Variants in SHC3 observed in about 807,000 individuals in gnomAD.
The protein encoded by SHC3 is SHC-transforming protein 3.
A neutral mutation model predicts 60.4 loss-of-function variants in SHC3; 15 were observed. That is an observed-to-expected ratio of 0.25 (90% CI 0.17 to 0.38). The LOEUF is 0.38. Among genes scored for constraint, SHC3 ranks in the 10% least tolerant of loss-of-function variants. The probability of loss-of-function intolerance (pLI) is 1.00; values close to 1 mark genes in which losing one functional copy is unlikely to be tolerated. For missense variants in SHC3, 677 were observed against 786.1 expected (o/e 0.86, Z 1.66); for synonymous variants, 294 against 325.9 (o/e 0.90, Z 1.05).
At chr9:89,046,685 C>A (rs962510219) in intron 8 of SHC3, among the ~76,000 whole-genome samples, 159 bp downstream of exon 8, 7 of 152,200 alleles carry the variant, frequency 4.6e-5, no homozygotes, top group African/African-American at 1.7e-4. Flanking sequence ...AGCCTCTCTT[C>A]ATCTGCATGC....
chr9:89,076,900 C>T (rs563618385), intron 3 of SHC3, among the ~76,000 whole-genome samples: 24 of 152,140 alleles, frequency 1.6e-4, no homozygotes, highest in South Asian at 1.2e-3. Context: ...ACAATAGGGC[C>T]GGGCATGGTG....
At chr9:89,088,669 A>C (rs2118045892) in intron 2 of SHC3, 1 of 152,388 alleles carries the variant, frequency 6.6e-6, no homozygotes, top group East Asian at 1.9e-4. Flanking sequence ...TAGAAAGGTC[A>C]CCAGAAAAGA....
At chr9:89,045,888 C>T in intron 8 of SHC3, 55 bp from the exon 9 acceptor site, 1 of 1,573,074 alleles carries the variant, frequency 6.4e-7, no homozygotes, top group Non-Finnish European at 8.7e-7. Flanking sequence ...CTCATTTCAC[C>T]ACTTTTGAAA....
At chr9:89,116,813 G>C (rs1826025839) in intron 1 of SHC3, among the ~76,000 whole-genome samples, 1 of 151,968 alleles carries the variant, frequency 6.6e-6, no homozygotes, top group African/African-American at 2.4e-5. Flanking sequence ...TGACAATACT[G>C]CAGTTATGTA....
intron 2 of SHC3, among the ~76,000 whole-genome samples, chr9:89,100,532 A>G (rs1825767823): frequency 1.3e-5 from 2 of 152,074 alleles, no homozygotes; most frequent in African/African-American, 2.4e-5. Flanking sequence ...CCTTAGTTCT[A>G]TGAATTTTGA....
rs113166840 is a variant in SHC3, at chr9:89,081,017, C to T, written c.546-3114G>A. On this transcript the variant is annotated intron_variant, in intron 2 of 11. Coordinates refer to ENST00000375835, the MANE Select transcript of SHC3 (RefSeq NM_016848.6). ...TCCTGATCTTATGATCCGCCCTCCT[C>T]GGCCTCCCAAAGTGCTGGGATTACA... 7.5e-3 allele frequency among the ~76,000 whole-genome samples: 1,139 copies of T among 152,140 alleles called. 19 individuals are homozygous for T. The highest frequency in any genetic ancestry group is 0.026 in the African/African-American group (1,075 of 41,508).
At position 89,006,770 on chromosome 9, in the gene SHC3, T is replaced by C. The variant is rs1825946778; in HGVS notation, c.*6677A>G. On this transcript the variant is annotated 3_prime_UTR_variant, in exon 12 of 12. Coordinates refer to ENST00000375835, the MANE Select transcript of SHC3 (RefSeq NM_016848.6). The stretch of plus-strand genomic sequence containing the variant: ...TTCTGGAACAAGTTATATTCAAAAG[T>C]CAAATGAACAGAGAACATTCCACTT... 1 of 152,226 alleles carries C rather than the reference T, an allele frequency of 6.6e-6. No homozygotes were observed. The highest frequency in any genetic ancestry group is 2.1e-4 in the South Asian group (1 of 4,830). The allele number at this position is 152,226 out of a possible 1,614,324, so 9.4% of individuals were successfully genotyped here.
chr9:89,039,607 C>T (rs374851446), intron 10 of SHC3, among the ~76,000 whole-genome samples: 1 of 152,176 alleles, frequency 6.6e-6, no homozygotes, highest in African/African-American at 2.4e-5. Context: ...GCACCACCAC[C>T]ACCATCAGCA....
intron 1 of SHC3, among the ~76,000 whole-genome samples, chr9:89,166,839 T>C (rs1425119846): frequency 6.6e-6 from 1 of 152,048 alleles, no homozygotes; most frequent in East Asian, 1.9e-4. Flanking sequence ...GTATATGTAA[T>C]TATAAGACAG....
intron 1 of SHC3, among the ~76,000 whole-genome samples, chr9:89,152,021 G>C (rs1211400379): frequency 6.6e-6 from 1 of 152,228 alleles, no homozygotes; most frequent in Non-Finnish European, 1.5e-5. Flanking sequence ...AATGTTTGAT[G>C]ATTCTCTTTC....
intron 2 of SHC3, among the ~76,000 whole-genome samples, chr9:89,078,425 G>GT (rs1339420889): frequency 6.6e-6 from 1 of 152,152 alleles, no homozygotes; most frequent in Non-Finnish European, 1.5e-5. Flanking sequence ...ATCAAGAGGG[G>GT]TTGGAAGGAG....
At chr9:89,145,247 T>C (rs17527645) in intron 1 of SHC3, among the ~76,000 whole-genome samples, 3,652 of 152,328 alleles carry the variant, frequency 0.024, 64 homozygotes, top group Middle Eastern at 0.071. Flanking sequence ...ACAAACACCA[T>C]GCATACATCA....
intron 2 of SHC3, among the ~76,000 whole-genome samples, chr9:89,094,259 G>C (rs1825668011): frequency 1.3e-5 from 2 of 152,170 alleles, no homozygotes; most frequent in Admixed American, 1.3e-4. Context: ...TTTGAAGCTA[G>C]GGAAAAATAT....
Position 89,178,574 on chromosome 9 carries a change from C to A in SHC3, c.-114G>T. 2 of 961,710 alleles carry A rather than the reference C, an allele frequency of 2.1e-6. No individual in the cohort carries two copies. Among genetic ancestry groups the A allele is most frequent in the Non-Finnish European group, 2.9e-6 (2 of 690,618 alleles). The allele number at this position is 961,710 out of a possible 1,614,324, so 59.6% of individuals were successfully genotyped here. A position where few individuals can be genotyped will look rare whatever the true frequency, so the allele number is the denominator to read the frequency against. The stretch of plus-strand genomic sequence containing the variant: ...CCCGGAGCGGGACGGAGAGTGGGGG[C>A]CCCGGGACAGCCTTCTGGAGAACGA... On this transcript the variant is annotated 5_prime_UTR_variant, in exon 1 of 12. Transcript: ENST00000375835. This position sits in a 1 kb window ranked among gnomAD's most constrained non-coding sequence, Gnocchi z 6.9.
intron 4 of SHC3, among the ~76,000 whole-genome samples, chr9:89,074,691 C>CAAAAAAAAAAAAAAAAAAAAAAAA (rs68051828): frequency 5.0e-5 from 3 of 59,922 alleles, no homozygotes; most frequent in African/African-American, 2.1e-4. Context: ...GCCACTAAAG[C>CAAAAAAAAAAAAAAAAAAAAAAAA]AAAAAAAAAA....
chr9:89,112,757 G>A lies in SHC3; in HGVS notation c.475-131C>T, dbSNP rs536854630. Reference sequence around the variant, plus strand: ...ACATTTTAACTTTAAATTCTAGGGTGAGGCTTTGTTTTGTTTCTATAAAAG... The same window carrying A: ...ACATTTTAACTTTAAATTCTAGGGTAAGGCTTTGTTTTGTTTCTATAAAAG... On this transcript the variant is annotated intron_variant, in intron 1 of 11. Transcript: ENST00000375835. The A allele has an allele frequency of 1.1e-5, 8 of 700,804 alleles. No individual in the cohort carries two copies. In the South Asian group the frequency reaches 1.3e-4, roughly 12 times the overall value. 43.4% of individuals were successfully genotyped at this position (700,804 alleles called of 1,614,324 possible).
chr9:89,126,737 A>T (rs1247581458), intron 1 of SHC3, among the ~76,000 whole-genome samples: 1 of 152,012 alleles, frequency 6.6e-6, no homozygotes, highest in African/African-American at 2.4e-5. Flanking sequence ...ATCACCGTTT[A>T]TCTCTTCTGT....
chr9:89,063,650 A>G (rs1328290322), intron 6 of SHC3, among the ~76,000 whole-genome samples: 4 of 152,210 alleles, frequency 2.6e-5, no homozygotes, highest in African/African-American at 4.8e-5. Context: ...AGCAAAGCCA[A>G]TTTGGACCTC....
At chr9:89,126,376 T>G (rs1826165767) in intron 1 of SHC3, among the ~76,000 whole-genome samples, 1 of 152,234 alleles carries the variant, frequency 6.6e-6, no homozygotes, top group Non-Finnish European at 1.5e-5. Flanking sequence ...CTCTCTCTGC[T>G]AAGAATGGGT....
Sources: allele counts gnomAD v4.1 joint callset (sites outside exome capture counted in the v4.1 genomes callset), GRCh38; gene constraint gnomAD v4.1.1; non-coding constraint Gnocchi (gnomAD v3.1); transcripts MANE v1.5; gene names NCBI Gene and HGNC (gene_info 2026-07-23, HGNC 2026-07-21).